Variants in CUX2 observed in about 807,000 individuals in gnomAD.
CUX2 encodes homeobox protein cut-like 2.
A neutral mutation model predicts 144.8 loss-of-function variants in CUX2; 40 were observed. That is an observed-to-expected ratio of 0.28 (90% CI 0.21 to 0.36). The LOEUF (loss-of-function observed/expected upper bound fraction) is 0.36. CUX2 is among the 10% of genes least tolerant of loss of function. CUX2 has a pLI of 1.00. For synonymous variants in CUX2, 827 were observed against 875.6 expected (o/e 0.94, Z 0.98); for missense variants, 1,615 against 1,994.0 (o/e 0.81, Z 3.62).
At chr12:111,073,640 G>A (rs541592580) in intron 1 of CUX2, among the ~76,000 whole-genome samples, 3 of 152,074 alleles carry the variant, frequency 2.0e-5, no homozygotes, top group Non-Finnish European at 4.4e-5. Flanking sequence ...CAGTGCGATA[G>A]CATCTCCCAA....
At chr12:111,330,740 T>TATAA in intron 18 of CUX2, among the ~76,000 whole-genome samples, 1 of 62,212 alleles carries the variant, frequency 1.6e-5, no homozygotes, top group South Asian at 4.8e-4. Flanking sequence ...TATATATATA[T>TATAA]ATATATATAT....
In CUX2 at chr12:111,334,524, C is replaced by G; in HGVS notation, c.3010C>G (p.Leu1004Val). Residue 1004 changes from leucine (L) to valine (V), a missense_variant, in exon 19 of 22, where the codon CTG becomes GTG. This residue lies in a region of CUX2 where 128 missense variants were observed against 124.4 expected (regional missense o/e 1.03). Transcript: ENST00000261726. ...GAAGAGCTCCCAGGAGCCGTTGAGC[C>G]TGTCCCTGGAGAGCAGCAAGGAGAA... ...PEKSSQEPLS[L>V]SLESSKENQQ... 1 of 1,613,996 alleles carries G rather than the reference C, an allele frequency of 6.2e-7. No homozygotes were observed. The highest frequency in any genetic ancestry group is 8.5e-7 in the Non-Finnish European group (1 of 1,179,998).
At chr12:111,332,066 G>A (rs1338322057) in intron 18 of CUX2, among the ~76,000 whole-genome samples, 1 of 150,048 alleles carries the variant, frequency 6.7e-6, no homozygotes, top group Non-Finnish European at 1.5e-5. Flanking sequence ...GCGACAGAGT[G>A]AGTGAGACTC....
rs1386248861 is a variant in CUX2, at chr12:111,320,376, G to C, written c.2367G>C (p.Trp789Cys). 2 of 1,598,000 alleles carry C rather than the reference G, an allele frequency of 1.3e-6. No individual in the cohort carries two copies. Among genetic ancestry groups the C allele is most frequent in the African/African-American group, 1.3e-5 (1 of 74,870 alleles). Residue 789 changes from tryptophan to cysteine, a missense_variant, in exon 17 of 22, where the codon TGG becomes TGC. Around this residue, in one of 12 missense-constraint regions of CUX2, gnomAD observed 390 missense variants for 387.1 expected, o/e 1.01. Transcript: ENST00000261726. The surrounding 1 kb of genome is among the most constrained non-coding windows in gnomAD (Gnocchi z 8.1). ...ACGCCGGCTACTTCGACCACCACTG[G>C]GCCTCCGACCGCGGCCTGCTCAGCC... ...IGDAGYFDHH[W>C]ASDRGLLSRP... is the part of the protein sequence containing the mutation.
rs117858774 is a variant in CUX2, at chr12:111,273,794, C to T, written c.301+9955C>T. ...CTTCCCACATCACACTTGACTTCTC[C>T]GAGCCTCAGTTTCCCCAATGTAAAA... On this transcript the variant is annotated intron_variant, in intron 4 of 21. Transcript: ENST00000261726. 2.4e-3 allele frequency among the ~76,000 whole-genome samples: 365 copies of T among 152,300 alleles called. 6 individuals carry two copies. Among genetic ancestry groups the T allele is most frequent in the East Asian group, 0.012 (61 of 5,184 alleles).
chr12:111,115,080 G>A (rs980487925), intron 1 of CUX2, among the ~76,000 whole-genome samples: 5 of 151,974 alleles, frequency 3.3e-5, no homozygotes, highest in African/African-American at 1.2e-4. Context: ...TTCACAGTAA[G>A]TTCTGAAATT....
At position 111,201,083 on chromosome 12, in the gene CUX2, GCCCCTCGTTTGAGGGCCT is replaced by G. The variant is rs1475033401; in HGVS notation, c.64-13110_64-13093del. ...AAAATGGCTTGTGACCACCCTGGCC[GCCCCTCGTTTGAGGGCCT>G]CCCCTCTCAATCTCACCTTCAGCCT... On this transcript the variant is annotated intron_variant, in intron 1 of 21. Transcript: ENST00000261726. Among the ~76,000 whole-genome samples, 278 of 152,196 alleles carry G rather than the reference GCCCCTCGTTTGAGGGCCT, an allele frequency of 1.8e-3. 3 individuals are homozygous for G. Among genetic ancestry groups the G allele is most frequent in the Non-Finnish European group, 3.2e-3 (220 of 67,980 alleles).
chr12:111,124,291 A>G (rs1031500736), intron 1 of CUX2, among the ~76,000 whole-genome samples: 1 of 152,254 alleles, frequency 6.6e-6, no homozygotes, highest in Non-Finnish European at 1.5e-5. Context: ...CCAAAGATAC[A>G]GGGAAAACTA....
At chr12:111,113,806 C>G (rs1007993991) in intron 1 of CUX2, among the ~76,000 whole-genome samples, 1 of 152,224 alleles carries the variant, frequency 6.6e-6, no homozygotes, top group Non-Finnish European at 1.5e-5. Flanking sequence ...ATCCACCTAC[C>G]TCAGCTTCCC....
chr12:111,304,136 C>T lies in CUX2; in HGVS notation c.754-74C>T. 4.0e-6 allele frequency: 5 copies of T among 1,262,656 alleles called. No individual in the cohort carries two copies. Among genetic ancestry groups the T allele is most frequent in the Non-Finnish European group, 5.6e-6 (5 of 885,272 alleles). 78.2% of individuals were successfully genotyped at this position (1,262,656 alleles called of 1,614,324 possible). ...GGAGGTCTGCCTCCCCAACCCCTGC[C>T]TGAAACAGTGCAGGGAGAAGGTGGA... is the stretch of plus-strand genomic sequence containing the variant. On this transcript the variant is annotated intron_variant, in intron 9 of 21. Transcript: ENST00000261726. The surrounding 1 kb of genome is among the most constrained non-coding windows in gnomAD (Gnocchi z 4.7).
intron 17 of CUX2, among the ~76,000 whole-genome samples, chr12:111,321,499 G>A (rs1047456242): frequency 2.6e-5 from 4 of 151,700 alleles, no homozygotes; most frequent in African/African-American, 9.7e-5. Flanking sequence ...TTTGGGATCA[G>A]CCTGGGCAAT....
chr12:111,046,144 G>GAGCCAGC (rs1279185186), intron 1 of CUX2, among the ~76,000 whole-genome samples: 4 of 152,328 alleles, frequency 2.6e-5, no homozygotes, highest in Non-Finnish European at 4.4e-5. Context: ...GGCCCACCCG[G>GAGCCAGC]AGCCAGCAGC....
At chr12:111,067,222 C>T (rs1430826490) in intron 1 of CUX2, among the ~76,000 whole-genome samples, 1 of 152,196 alleles carries the variant, frequency 6.6e-6, no homozygotes, top group Admixed American at 6.5e-5. Flanking sequence ...TATGCCATCC[C>T]TCTGGCTACA....
At chr12:111,318,598 T>TAA (rs1555215785) in intron 16 of CUX2, among the ~76,000 whole-genome samples, 13 of 144,930 alleles carry the variant, frequency 9.0e-5, no homozygotes, top group African/African-American at 2.9e-4. Context: ...ATCTCTTTTT[T>TAA]TAAAAAAAAA....
rs1232264551 is a variant in CUX2, at chr12:111,287,290, G to T, written c.302-4128G>T. Among the ~76,000 whole-genome samples the T allele has an allele frequency of 6.6e-6, 1 of 152,230 alleles. No individual in the cohort carries two copies. The highest frequency in any genetic ancestry group is 2.4e-5 in the African/African-American group (1 of 41,470). On this transcript the variant is annotated intron_variant, in intron 4 of 21. Transcript: ENST00000261726. The surrounding 1 kb of genome is among the most constrained non-coding windows in gnomAD (Gnocchi z 4.2). ...ATGGCCAGCAGGGCCCCTGGGCCAC[G>T]AGCCGGATCCTCCCCCTCCTTGGAA... is the stretch of plus-strand genomic sequence containing the variant.
At chr12:111,166,307 C>T (rs1481711703) in intron 1 of CUX2, among the ~76,000 whole-genome samples, 1 of 152,236 alleles carries the variant, frequency 6.6e-6, no homozygotes, top group Non-Finnish European at 1.5e-5. Context: ...CAGGCGTGAG[C>T]CACTACGCCC....
At chr12:111,157,066 T>G (rs571654733) in intron 1 of CUX2, among the ~76,000 whole-genome samples, 4 of 103,322 alleles carry the variant, frequency 3.9e-5, no homozygotes, top group African/African-American at 1.6e-4. Flanking sequence ...TGAAAGAAAA[T>G]AAGCTGATCA....
In CUX2 at chr12:111,061,539, C is replaced by G. The variant is rs1474965475; in HGVS notation, c.63+27299C>G. ...GAGGAAGAAGGAGACTGGAAGAACA[C>G]CCTTTGGCATGGTGTGTGTTTCTGT... is the stretch of plus-strand genomic sequence containing the variant. On this transcript the variant is annotated intron_variant, in intron 1 of 21. Coordinates refer to ENST00000261726, the MANE Select transcript of CUX2 (RefSeq NM_015267.4). The surrounding 1 kb of genome is among the most constrained non-coding windows in gnomAD (Gnocchi z 4.2). Among the ~76,000 whole-genome samples, 1 of 152,166 alleles carries G rather than the reference C, an allele frequency of 6.6e-6. No individual in the cohort carries two copies. Among genetic ancestry groups the G allele is most frequent in the Non-Finnish European group, 1.5e-5 (1 of 68,026 alleles).
At chr12:111,341,420 C>A (rs563114500) in intron 20 of CUX2, among the ~76,000 whole-genome samples, 2 of 152,186 alleles carry the variant, frequency 1.3e-5, no homozygotes, top group African/African-American at 4.8e-5. Context: ...ATGACTGCAC[C>A]GCTGTACTCC....
Sources: allele counts gnomAD v4.1 joint callset (sites outside exome capture counted in the v4.1 genomes callset), GRCh38; gene constraint gnomAD v4.1.1; regional missense constraint gnomAD v4.1.1; non-coding constraint Gnocchi (gnomAD v3.1); transcripts MANE v1.5; gene names NCBI Gene and HGNC (gene_info 2026-07-23, HGNC 2026-07-21).